The following NFE2 variants were observed in gnomAD, a reference collection of about 807,000 sequenced individuals.
NFE2 encodes transcription factor NF-E2 45 kDa subunit.
Under a neutral mutation model 25.8 loss-of-function variants are expected in NFE2, and 13 were observed. The observed-to-expected ratio is 0.50, with a 90% CI of 0.33 to 0.80. NFE2 has a LOEUF of 0.80. Ranked by LOEUF, NFE2 falls within the 30% of genes least tolerant of loss-of-function variation. The pLI is 0.02. For missense variants in NFE2, 382 were observed against 478.9 expected (o/e 0.80, Z 1.89); for synonymous variants, 204 against 200.2 (o/e 1.02, Z -0.16).
Position 54,292,445 on chromosome 12 carries a change from C to T in NFE2, c.1051G>A (p.Ala351Thr). Residue 351 changes from alanine to threonine, a missense_variant, in exon 3 of 3, where the codon GCG becomes ACG. Physicochemically the swap from Ala to Thr is moderately conservative, Grantham distance 58. Transcript: ENST00000435572. ...SGNSYSPEEY[A>T]LQQAADGTIF... ...GTCCCATCGGCAGCCTGTTGCAGCG[C>T]GTACTCTTCAGGAGAGTAGCTGTTG... The T allele has an allele frequency of 1.2e-6, 2 of 1,614,218 alleles. No individual in the cohort carries two copies. The highest frequency in any genetic ancestry group is 2.2e-5 in the East Asian group (1 of 44,876).
intron 2 of NFE2, among the ~76,000 whole-genome samples, chr12:54,294,918 CAATCA>C (rs1345582735): frequency 6.6e-6 from 1 of 152,070 alleles, no homozygotes; most frequent in Non-Finnish European, 1.5e-5. Flanking sequence ...CCTACACTCC[CAATCA>C]GATCATTCCC....
intron 1 of NFE2, among the ~76,000 whole-genome samples, chr12:54,297,255 T>C (rs1040747003): frequency 1.3e-5 from 2 of 149,058 alleles, no homozygotes; most frequent in African/African-American, 5.0e-5. Flanking sequence ...CTCAGGAGGC[T>C]GAGGTGGGAG....
rs894939561 is a variant in NFE2 at position 54,292,121 on chromosome 12, G to T, written c.*253C>A. The T allele has an allele frequency of 1.4e-5, 7 of 501,196 alleles. No homozygotes were observed. The highest frequency in any genetic ancestry group is 1.3e-4 in the African/African-American group (7 of 52,538). 31.0% of individuals were successfully genotyped at this position (501,196 alleles called of 1,614,324 possible). On this transcript the variant is annotated 3_prime_UTR_variant, in exon 3 of 3. Coordinates refer to ENST00000435572, the MANE Select transcript of NFE2 (RefSeq NM_001136023.3). ...CACAGTGAAAAGCCATTTCTGTAGC[G>T]CACTTTATAGACCAAAGCTTAGACA...
intron 1 of NFE2, 33 bp from the exon 2 acceptor site, chr12:54,295,337 A>T (rs771540212): frequency 9.4e-7 from 1 of 1,058,304 alleles, no homozygotes; most frequent in Non-Finnish European, 1.4e-6. Flanking sequence ...TTAGAGCTAC[A>T]CCTGCTAGGG....
At position 54,300,459 on chromosome 12, in the gene NFE2, G is replaced by A. The variant is rs928455329; in HGVS notation, c.-57+342C>T. ...AGTAATGGAATGGAGTTGGGGAAAG[G>A]GTAGTCTATTGGTTCCCTCAGGGTA... On this transcript the variant is annotated intron_variant, in intron 1 of 2. Transcript: ENST00000435572. Among the ~76,000 whole-genome samples the A allele has an allele frequency of 2.0e-5, 3 of 152,192 alleles. No individual in the cohort carries two copies. In the East Asian group the frequency reaches 5.8e-4, roughly 29 times the overall value.
Position 54,292,445 on chromosome 12 carries a change from C to A in NFE2, c.1051G>T (p.Ala351Ser). The change falls in exon 3 of 3, where the codon GCG (alanine) becomes TCG (serine). Residue 351 changes from alanine to serine, a missense_variant. Coordinates refer to ENST00000435572, the MANE Select transcript of NFE2 (RefSeq NM_001136023.3). ...SGNSYSPEEY[A>S]LQQAADGTIF... The stretch of plus-strand genomic sequence containing the variant: ...GTCCCATCGGCAGCCTGTTGCAGCG[C>A]GTACTCTTCAGGAGAGTAGCTGTTG... The A allele has an allele frequency of 1.9e-6, 3 of 1,614,218 alleles. No homozygotes were observed. The highest frequency in any genetic ancestry group is 2.5e-6 in the Non-Finnish European group (3 of 1,180,032).
chr12:54,292,590 G>C lies in NFE2; in HGVS notation c.906C>G (p.Thr302=). 6.2e-7 allele frequency: 1 copy of C among 1,614,108 alleles called. No individual in the cohort carries two copies. The highest frequency in any genetic ancestry group is 8.5e-7 in the Non-Finnish European group (1 of 1,180,022). ...VQLERELERL[T]NERERLLRAR... ...CCCTGAGAAGCCGCTCCCGTTCATT[G>C]GTCAGCCGCTCCAGCTCCCGCTCCA... Residue 302 remains threonine, a synonymous_variant, in exon 3 of 3, where the codon ACC becomes ACG. Coordinates refer to ENST00000435572, the MANE Select transcript of NFE2 (RefSeq NM_001136023.3).
chr12:54,296,968 A>G (rs1944377371), intron 1 of NFE2, among the ~76,000 whole-genome samples: 1 of 152,108 alleles, frequency 6.6e-6, no homozygotes, highest in Non-Finnish European at 1.5e-5. Flanking sequence ...GCCGTCAGCA[A>G]GAGATTCCAA....
At chr12:54,297,035 GCA>G (rs1944377984) in intron 1 of NFE2, among the ~76,000 whole-genome samples, 1 of 151,946 alleles carries the variant, frequency 6.6e-6, no homozygotes, top group African/African-American at 2.4e-5. Flanking sequence ...CTATGTGCAC[GCA>G]CACAGACATA....
At chr12:54,295,347 G>A in intron 1 of NFE2, 43 bp from the exon 2 acceptor site, 2 of 945,076 alleles carry the variant, frequency 2.1e-6, no homozygotes. Context: ...ACCTGCTAGG[G>A]TCAGCAAGTT....
intron 2 of NFE2, among the ~76,000 whole-genome samples, chr12:54,294,600 A>G (rs1944352663): frequency 6.6e-6 from 1 of 152,146 alleles, no homozygotes; most frequent in Non-Finnish European, 1.5e-5. Flanking sequence ...CCCCCAACCT[A>G]CATCAGGGAG....
At position 54,294,326 on chromosome 12, in the gene NFE2, T is replaced by C. The variant is rs142531784; in HGVS notation, c.114+809A>G. 1.2e-3 allele frequency among the ~76,000 whole-genome samples: 179 copies of C among 152,092 alleles called. No individual in the cohort carries two copies. In the East Asian group the frequency reaches 0.016, roughly 14 times the overall value. On this transcript the variant is annotated intron_variant, in intron 2 of 2. Coordinates refer to ENST00000435572, the MANE Select transcript of NFE2 (RefSeq NM_001136023.3). ...TATCCAAGATGACCCCTCAGAACCC[T>C]TTCCTGCTGCAGTTATCTAGGGTCA... is the stretch of plus-strand genomic sequence containing the variant.
At chr12:54,294,453 T>C (rs1414184389) in intron 2 of NFE2, among the ~76,000 whole-genome samples, 1 of 151,912 alleles carries the variant, frequency 6.6e-6, no homozygotes, top group African/African-American at 2.4e-5. Flanking sequence ...CTAAGCATGG[T>C]AGCAGGGTAG....
In NFE2 at chr12:54,293,919, C is replaced by T. The variant is rs115419501; in HGVS notation, c.115-538G>A. Among the ~76,000 whole-genome samples the T allele has an allele frequency of 2.2e-3, 331 of 152,112 alleles. 3 individuals carry two copies. The highest frequency in any genetic ancestry group is 7.9e-3 in the African/African-American group (326 of 41,522). On this transcript the variant is annotated intron_variant, in intron 2 of 2. Coordinates refer to ENST00000435572, the MANE Select transcript of NFE2 (RefSeq NM_001136023.3). ...TGAGGTTGGACTGCAGAAAAGACTA[C>T]CTAACATTGGAACAATTATGAACTC... is the stretch of plus-strand genomic sequence containing the variant.
At chr12:54,300,171 C>T (rs1454703572) in intron 1 of NFE2, 3 of 152,240 alleles carry the variant, frequency 2.0e-5, no homozygotes, top group African/African-American at 7.2e-5. Flanking sequence ...TCCACTGCTT[C>T]CCAAGCCCCT....
Position 54,292,758 on chromosome 12 carries a change from C to A in NFE2, c.738G>T (p.Pro246=), listed in dbSNP as rs901483222. The change falls in exon 3 of 3, where the codon CCG becomes CCT. Residue 246 remains proline (P), a synonymous_variant. Transcript: ENST00000435572. ...PFPTDKIVNL[P]VDDFNELLAR... ...CCAATAGCTCATTAAAGTCATCTAC[C>A]GGCAAGTTGACAATCTTGTCCGTAG... The A allele has an allele frequency of 1.2e-6, 2 of 1,614,206 alleles. No individual in the cohort carries two copies. Among genetic ancestry groups the A allele is most frequent in the Non-Finnish European group, 1.7e-6 (2 of 1,180,038 alleles).
Position 54,292,364 on chromosome 12 carries a change from C to T in NFE2, c.*10G>A. ...AAATCCCATCAGCAGTTCCACCCCT[C>T]TGGGCCAGCTCAGTCTGTGGCCTCC... On this transcript the variant is annotated 3_prime_UTR_variant, in exon 3 of 3. Coordinates refer to ENST00000435572, the MANE Select transcript of NFE2 (RefSeq NM_001136023.3). 1 of 1,610,802 alleles carries T rather than the reference C, an allele frequency of 6.2e-7. No individual in the cohort carries two copies. Among genetic ancestry groups the T allele is most frequent in the South Asian group, 1.1e-5 (1 of 90,952 alleles).
At chr12:54,293,463 C>A (rs1023609214) in intron 2 of NFE2, 82 bp from the exon 3 acceptor site, 15 of 1,366,676 alleles carry the variant, frequency 1.1e-5, no homozygotes, top group Non-Finnish European at 9.6e-7. Flanking sequence ...CTGGATTCTT[C>A]TGAAAGTCGC....
rs752758052 is a variant in NFE2 at position 54,292,988 on chromosome 12, T to C, written c.508A>G (p.Ser170Gly). 4.4e-5 allele frequency: 68 copies of C among 1,544,036 alleles called. No individual in the cohort carries two copies. The highest frequency in any genetic ancestry group is 5.7e-5 in the Non-Finnish European group (65 of 1,143,942). Residue 170 changes from serine (S) to glycine (G), a missense_variant, in exon 3 of 3, where the codon AGC (serine) becomes GGC (glycine). By Grantham distance (56) the Ser-to-Gly change is moderately conservative. Transcript: ENST00000435572. ...LEGTEAGRRR[S>G]EYVEMYPVEY... ...ACTGGGTACATCTCTACATATTCGC[T>C]GCGCCGCCGACCAGCCTCTGTCCCC...
Sources: allele counts gnomAD v4.1 joint callset (sites outside exome capture counted in the v4.1 genomes callset), GRCh38; gene constraint gnomAD v4.1.1; transcripts MANE v1.5; gene names NCBI Gene and HGNC (gene_info 2026-07-23, HGNC 2026-07-21).